The following MPRIP variants were observed in gnomAD, a reference collection of about 807,000 sequenced individuals.
The protein encoded by MPRIP is myosin phosphatase Rho-interacting protein.
In MPRIP, 59 loss-of-function variants were observed where a neutral mutation model predicts 234.9. That is an observed-to-expected ratio of 0.25 (90% CI 0.20 to 0.31). MPRIP has a LOEUF of 0.31. MPRIP is among the 10% of genes least tolerant of loss of function. MPRIP has a pLI of 1.00. For synonymous variants in MPRIP, 1,144 were observed against 1,263.9 expected (o/e 0.91, Z 2.01); for missense variants, 2,436 against 3,071.0 (o/e 0.79, Z 4.89).
chr17:17,153,833 C>T (rs1218481039), intron 12 of MPRIP, among the ~76,000 whole-genome samples: 1 of 152,152 alleles, frequency 6.6e-6, no homozygotes, highest in African/African-American at 2.4e-5. Context: ...TAACCACTCC[C>T]TGGGCCCATC....
At position 17,189,601 on chromosome 17, in the gene MPRIP, A is replaced by G. The variant is rs1379490730; in HGVS notation, c.*4707A>G. ...GGAAATGTATGATATTATACTTCAA[A>G]GGAATTTGATGTTGAAATTTTAAAG... On this transcript the variant is annotated 3_prime_UTR_variant, in exon 24 of 24. Transcript: ENST00000651222. 1 of 152,238 alleles carries G rather than the reference A, an allele frequency of 6.6e-6. No individual in the cohort carries two copies. Among genetic ancestry groups the G allele is most frequent in the African/African-American group, 2.4e-5 (1 of 41,464 alleles). The allele number at this position is 152,238 out of a possible 1,614,324, so 9.4% of individuals were successfully genotyped here.
At chr17:17,168,038 C>G (rs2046043403) in intron 16 of MPRIP, 123 bp downstream of exon 16, 1 of 805,560 alleles carries the variant, frequency 1.2e-6, no homozygotes, top group African/African-American at 1.8e-5. Context: ...CCTCTACTTG[C>G]TAGCCATGGT....
chr17:17,112,528 G>A (rs1038285498), intron 3 of MPRIP, among the ~76,000 whole-genome samples: 2 of 152,054 alleles, frequency 1.3e-5, no homozygotes, highest in Non-Finnish European at 2.9e-5. Context: ...CCCCTCCCCA[G>A]CTGCCCCTGT....
In MPRIP at chr17:17,113,880, C is replaced by CTTTTTTTTTTTTTTTTTTT. The variant is rs1236846171; in HGVS notation, c.268-12818_268-12817insTTTTTTTTTTTTTTTTTTT. Reference sequence around the variant, plus strand: ...TGTGATTTGCATTTTCTTTTCTTTTCTTTTCTTTTTTTTTTTTTTTTTTTA... The same window carrying CTTTTTTTTTTTTTTTTTTT: ...TGTGATTTGCATTTTCTTTTCTTTTCTTTTTTTTTTTTTTTTTTTTTTTCTTTTTTTTTTTTTTTTTTTA... On this transcript the variant is annotated intron_variant, in intron 3 of 23. Coordinates refer to ENST00000651222, the MANE Select transcript of MPRIP (RefSeq NM_001364716.4). Among the ~76,000 whole-genome samples, 6 of 93,230 alleles carry CTTTTTTTTTTTTTTTTTTT rather than the reference C, an allele frequency of 6.4e-5. 1 individual carries two copies. The highest frequency in any genetic ancestry group is 1.1e-4 in the African/African-American group (2 of 18,946). The allele number at this position is 93,230 out of a possible 152,430, so 61.2% of individuals were successfully genotyped here. A position where few individuals can be genotyped will look rare whatever the true frequency, so the allele number is the denominator to read the frequency against.
rs2046467380 is a variant in MPRIP, at chr17:17,185,915, C to T, written c.*1021C>T. On this transcript the variant is annotated 3_prime_UTR_variant, in exon 24 of 24. Transcript: ENST00000651222. ...CGATCTTAACTCTCATTTAATTAAT[C>T]TGAGCTCTGAAAACCTATCTTGCAG... The T allele has an allele frequency of 6.2e-6, 1 of 160,028 alleles. No individual in the cohort carries two copies. The highest frequency in any genetic ancestry group is 1.4e-5 in the Non-Finnish European group (1 of 73,242). 9.9% of individuals were successfully genotyped at this position (160,028 alleles called of 1,614,324 possible).
At chr17:17,163,245 G>C (rs1336789010) in intron 15 of MPRIP, among the ~76,000 whole-genome samples, 1 of 152,166 alleles carries the variant, frequency 6.6e-6, no homozygotes, top group African/African-American at 2.4e-5. Context: ...TGTCACATCT[G>C]TGGCTTCCCC....
intron 3 of MPRIP, among the ~76,000 whole-genome samples, chr17:17,091,477 G>C (rs922782584): frequency 6.6e-6 from 1 of 152,168 alleles, no homozygotes; most frequent in African/African-American, 2.4e-5. Context: ...AGCAGTGAGC[G>C]ACCAAGAGAG....
At chr17:17,088,279 A>G (rs927143819) in intron 3 of MPRIP, among the ~76,000 whole-genome samples, 3 of 152,230 alleles carry the variant, frequency 2.0e-5, no homozygotes, top group African/African-American at 7.2e-5. Context: ...TTGCTGGTCT[A>G]TCTTCAGAGC....
intron 3 of MPRIP, among the ~76,000 whole-genome samples, chr17:17,121,061 G>A (rs2090379077): frequency 6.6e-6 from 1 of 152,130 alleles, no homozygotes; most frequent in African/African-American, 2.4e-5. Flanking sequence ...AGAGTGCCTG[G>A]GTTTGAATCC....
chr17:17,068,559 C>G (rs1440020612), intron 1 of MPRIP, among the ~76,000 whole-genome samples: 10 of 149,162 alleles, frequency 6.7e-5, no homozygotes, highest in Non-Finnish European at 1.3e-4. Flanking sequence ...GAGACGAAGT[C>G]TCACTCTGTT....
intron 3 of MPRIP, among the ~76,000 whole-genome samples, chr17:17,080,505 C>T (rs886138863): frequency 1.1e-4 from 16 of 152,214 alleles, no homozygotes; most frequent in Non-Finnish European, 1.9e-4. Context: ...TTTGTGAGTG[C>T]CTGGAAATAG....
intron 14 of MPRIP, among the ~76,000 whole-genome samples, chr17:17,160,598 G>A (rs1304819403): frequency 6.6e-6 from 1 of 152,228 alleles, no homozygotes; most frequent in Non-Finnish European, 1.5e-5. Context: ...CAAGAAGAGT[G>A]TAAAATAGCT....
chr17:17,112,045 C>G (rs527602800), intron 3 of MPRIP, among the ~76,000 whole-genome samples: 1 of 152,170 alleles, frequency 6.6e-6, no homozygotes, highest in Non-Finnish European at 1.5e-5. Flanking sequence ...TTAATATTTA[C>G]GAGGTGTGCG....
intron 19 of MPRIP, among the ~76,000 whole-genome samples, chr17:17,174,644 G>T (rs1458640387): frequency 6.6e-6 from 1 of 152,172 alleles, no homozygotes; most frequent in Non-Finnish European, 1.5e-5. Context: ...GACCATCCTG[G>T]CTAACATGGT....
intron 1 of MPRIP, among the ~76,000 whole-genome samples, chr17:17,054,492 C>T (rs1255630672): frequency 2.0e-5 from 3 of 152,094 alleles, no homozygotes; most frequent in South Asian, 2.1e-4. Context: ...GACAGGACGC[C>T]GTTCCATCAC....
At chr17:17,102,399 G>A (rs1401341555) in intron 3 of MPRIP, among the ~76,000 whole-genome samples, 1 of 152,238 alleles carries the variant, frequency 6.6e-6, no homozygotes, top group Non-Finnish European at 1.5e-5. Context: ...CCCCTTCAGT[G>A]CTGAGACACC....
chr17:17,042,924 T>C lies in MPRIP; in HGVS notation c.76T>C (p.Phe26Leu), dbSNP rs1308596964. The C allele has an allele frequency of 1.2e-6, 2 of 1,610,960 alleles. No homozygotes were observed. The highest frequency in any genetic ancestry group is 1.7e-6 in the Non-Finnish European group (2 of 1,179,146). ...CAACAAGAGCAAGTGTCAGAACTGC[T>C]TCAAGCCCCGCGAGTCGCATCTGCT... Reference protein sequence around the residue: ...IFNKSKCQNCFKPRESHLLND... With the variant: ...IFNKSKCQNCLKPRESHLLND... Residue 26 changes from phenylalanine to leucine, a missense_variant, in exon 1 of 24, where the codon TTC becomes CTC. By Grantham distance (22) the Phe-to-Leu change is conservative. Coordinates refer to ENST00000651222, the MANE Select transcript of MPRIP (RefSeq NM_001364716.4).
chr17:17,092,021 T>C (rs2089730765), intron 3 of MPRIP, among the ~76,000 whole-genome samples: 1 of 152,232 alleles, frequency 6.6e-6, no homozygotes, highest in South Asian at 2.1e-4. Flanking sequence ...TAGAGGAGGG[T>C]GCTGGAGCCC....
rs1196381036 is a variant in MPRIP, at chr17:17,191,176, A to G, written c.*6282A>G. The G allele has an allele frequency of 5.3e-5, 8 of 152,222 alleles. No homozygotes were observed. Among genetic ancestry groups the G allele is most frequent in the Non-Finnish European group, 2.9e-5 (2 of 68,030 alleles). The allele number at this position is 152,222 out of a possible 1,614,324, so 9.4% of individuals were successfully genotyped here. ...CATTGTTTCATTGAAAGAATTCTCTATTGCCTCTTCTTGGTAGAGCCAGAG... is the reference window on the plus strand; with the variant it reads ...CATTGTTTCATTGAAAGAATTCTCTGTTGCCTCTTCTTGGTAGAGCCAGAG... On this transcript the variant is annotated 3_prime_UTR_variant, in exon 24 of 24. Transcript: ENST00000651222.
Sources: allele counts gnomAD v4.1 joint callset (sites outside exome capture counted in the v4.1 genomes callset), GRCh38; gene constraint gnomAD v4.1.1; transcripts MANE v1.5; gene names NCBI Gene and HGNC (gene_info 2026-07-23, HGNC 2026-07-21).